The following DNAH11 variants were observed in gnomAD, a reference collection of about 807,000 sequenced individuals.
The protein encoded by DNAH11 is axonemal beta dynein heavy chain 11.
DNAH11 carries 442 observed loss-of-function variants against 526.0 expected under a neutral mutation model. That is an observed-to-expected ratio of 0.84 (90% CI 0.78 to 0.91). The LOEUF is 0.91. DNAH11 is among the 40% of genes least tolerant of loss of function. The probability of loss-of-function intolerance (pLI) is 0.00; values close to 1 mark genes in which losing one functional copy is unlikely to be tolerated. For synonymous variants in DNAH11, 2,461 were observed against 1,935.9 expected, an observed-to-expected ratio of 1.27 and a Z score of -7.12; for missense variants, 6,989 against 5,448.7, an observed-to-expected ratio of 1.28 and a Z score of -8.90.
At position 21,853,698 on chromosome 7, in the gene DNAH11, T is replaced by C. The variant is rs1048671839; in HGVS notation, c.11062-617T>C. On this transcript the variant is annotated intron_variant, in intron 67 of 81. Coordinates refer to ENST00000409508, the MANE Select transcript of DNAH11 (RefSeq NM_001277115.2). ...ATTTGAGCCTTGGGTAAAACTGATA[T>C]GTTGGTTGATGGTGGTGCTGGTTTT... Among the ~76,000 whole-genome samples the C allele has an allele frequency of 2.6e-5, 4 of 152,204 alleles. No individual in the cohort carries two copies. The East Asian group carries it at 7.7e-4, about 29-fold the overall frequency.
chr7:21,745,042 T>G lies in DNAH11; in HGVS notation c.8489T>G (p.Phe2830Cys), dbSNP rs1401565171. 6.2e-7 allele frequency: 1 copy of G among 1,608,492 alleles called. No homozygotes were observed. Among genetic ancestry groups the G allele is most frequent in the Admixed American group, 1.7e-5 (1 of 59,248 alleles). The change falls in exon 51 of 82, where the codon TTT becomes TGT. Residue 2830 changes from phenylalanine (F) to cysteine (C), a missense_variant. Phe to Cys is a radical substitution (Grantham distance 205). Coordinates refer to ENST00000409508, the MANE Select transcript of DNAH11 (RefSeq NM_001277115.2). The part of the protein sequence containing the change: ...ELNAAMHLVL[F>C]EDAMQHVCRI... ...AATGCTGCCATGCACCTAGTTTTGT[T>G]TGAAGATGCCATGCAACATGTGTGA... is the stretch of plus-strand genomic sequence containing the variant.
chr7:21,813,482 C>T (rs529252097), intron 63 of DNAH11, among the ~76,000 whole-genome samples: 3 of 152,174 alleles, frequency 2.0e-5, no homozygotes, highest in African/African-American at 7.2e-5. Flanking sequence ...TAAAGCCTTA[C>T]ATAAACATGA....
intron 66 of DNAH11, among the ~76,000 whole-genome samples, chr7:21,850,053 GA>G (rs1257080467): frequency 3.4e-5 from 5 of 148,922 alleles, no homozygotes; most frequent in Admixed American, 3.4e-4. Context: ...GTTTACTCAT[GA>G]GCCCGTCAAA....
intron 66 of DNAH11, among the ~76,000 whole-genome samples, chr7:21,850,813 C>G (rs1348577637): frequency 6.6e-6 from 1 of 151,990 alleles, no homozygotes; most frequent in Non-Finnish European, 1.5e-5. Context: ...TTGTTTTTGT[C>G]TCCCTTGTTG....
chr7:21,874,334 T>TTTTTTTG (rs374414081), intron 74 of DNAH11, among the ~76,000 whole-genome samples: 3 of 151,234 alleles, frequency 2.0e-5, no homozygotes, highest in South Asian at 2.1e-4. Flanking sequence ...CATGGTTTTT[T>TTTTTTTG]TTTGTTTTTG....
rs959423467 is a variant in DNAH11 at position 21,901,420 on chromosome 7, T to G, written c.*166T>G. ...AAAGTCAGAAAAAAATACTAGAAACTAACTCAGGGCTGAGCGTGGTGGCAC... is the reference window on the plus strand; with the variant it reads ...AAAGTCAGAAAAAAATACTAGAAACGAACTCAGGGCTGAGCGTGGTGGCAC... On this transcript the variant is annotated 3_prime_UTR_variant, in exon 82 of 82. Coordinates refer to ENST00000409508, the MANE Select transcript of DNAH11 (RefSeq NM_001277115.2). The G allele has an allele frequency of 2.9e-6, 3 of 1,024,210 alleles. No homozygotes were observed. Among genetic ancestry groups the G allele is most frequent in the African/African-American group, 3.3e-5 (2 of 61,256 alleles). The allele number at this position is 1,024,210 out of a possible 1,614,324, so 63.4% of individuals were successfully genotyped here.
chr7:21,578,713 T>C (rs564761185), intron 8 of DNAH11, among the ~76,000 whole-genome samples: 2 of 152,300 alleles, frequency 1.3e-5, no homozygotes, highest in Admixed American at 6.5e-5. Context: ...TCCAGGTGTT[T>C]CCATACATTC....
chr7:21,583,787 C>T (rs1398237938), intron 9 of DNAH11, among the ~76,000 whole-genome samples: 1 of 152,198 alleles, frequency 6.6e-6, no homozygotes, highest in East Asian at 1.9e-4. Flanking sequence ...ACAGACACTT[C>T]TCAAAAAGAG....
At chr7:21,885,522 A>G (rs917482380) in intron 76 of DNAH11, among the ~76,000 whole-genome samples, 1 of 152,124 alleles carries the variant, frequency 6.6e-6, no homozygotes, top group African/African-American at 2.4e-5. Context: ...AGGAAGAATA[A>G]GTAAGTTCTC....
intron 25 of DNAH11, among the ~76,000 whole-genome samples, chr7:21,633,959 G>T (rs909168379): frequency 3.3e-5 from 5 of 152,202 alleles, no homozygotes; most frequent in Admixed American, 6.5e-5. Flanking sequence ...CTTTATGGGG[G>T]TAGTGAAAGA....
intron 56 of DNAH11, among the ~76,000 whole-genome samples, chr7:21,776,046 G>GA (rs1787658863): frequency 6.6e-6 from 1 of 152,210 alleles, no homozygotes; most frequent in African/African-American, 2.4e-5. Flanking sequence ...CAGGAAAAAA[G>GA]AAGAGGAGAG....
intron 13 of DNAH11, 66 bp from the exon 14 acceptor site, chr7:21,591,119 A>G (rs1472310820): frequency 4.1e-6 from 6 of 1,477,210 alleles, no homozygotes; most frequent in Non-Finnish European, 5.4e-6. Context: ...ATATTTTTAC[A>G]CCTTTAAGAC....
intron 45 of DNAH11, among the ~76,000 whole-genome samples, chr7:21,726,628 G>A (rs970360081): frequency 6.6e-5 from 10 of 151,658 alleles, no homozygotes; most frequent in Non-Finnish European, 1.2e-4. Context: ...TTGGGAGGCC[G>A]AGGTGGGCAG....
rs564544474 is a variant in DNAH11 at position 21,849,553 on chromosome 7, C to T, written c.10897-2914C>T. Reference sequence around the variant, plus strand: ...TCTTGGTCTAAGAAAGCTTTTATTACGCTTTACTTTTGAAGGATAATTTTA... The same window carrying T: ...TCTTGGTCTAAGAAAGCTTTTATTATGCTTTACTTTTGAAGGATAATTTTA... On this transcript the variant is annotated intron_variant, in intron 66 of 81. Coordinates refer to ENST00000409508, the MANE Select transcript of DNAH11 (RefSeq NM_001277115.2). Among the ~76,000 whole-genome samples, 70 of 152,210 alleles carry T rather than the reference C, an allele frequency of 4.6e-4. 1 individual carries two copies. Among genetic ancestry groups the T allele is most frequent in the Admixed American group, 6.5e-4 (10 of 15,296 alleles).
At position 21,881,791 on chromosome 7, in the gene DNAH11, T is replaced by C. The variant is rs118056299; in HGVS notation, c.12387+898T>C. 9.8e-5 allele frequency among the ~76,000 whole-genome samples: 15 copies of C among 152,310 alleles called. No individual in the cohort carries two copies. In the East Asian group the frequency reaches 2.9e-3, roughly 29 times the overall value. On this transcript the variant is annotated intron_variant, in intron 75 of 81. Transcript: ENST00000409508. The stretch of plus-strand genomic sequence containing the variant: ...CAGCTTTCTCAGGCTTCGGTGGTGA[T>C]TTGATTGCTATTAGAATAGATACCC...
chr7:21,863,077 AAAG>A (rs1310528844), intron 69 of DNAH11, among the ~76,000 whole-genome samples: 12,447 of 140,146 alleles, frequency 0.089, 1,553 homozygotes, highest in African/African-American at 0.3. Flanking sequence ...AAAAAAAAAA[AAAG>A]AAAAAGAAAA....
chr7:21,838,145 A>T (rs995784893), intron 65 of DNAH11, among the ~76,000 whole-genome samples: 1 of 152,230 alleles, frequency 6.6e-6, no homozygotes, highest in Admixed American at 6.5e-5. Context: ...AGGAATTTTG[A>T]TGATGCTCTC....
Position 21,742,131 on chromosome 7 carries a change from A to G in DNAH11, c.8119A>G (p.Ile2707Val), listed in dbSNP as rs1785933722. 5 of 1,613,780 alleles carry G rather than the reference A, an allele frequency of 3.1e-6. No homozygotes were observed. Among genetic ancestry groups the G allele is most frequent in the Non-Finnish European group, 4.2e-6 (5 of 1,179,828 alleles). ...ACCCACGGCTATTAAATTCCACTAC[A>G]TCTTTAATCTGAGAGATTTATCAAA... Reference protein sequence around the residue: ...FLPTAIKFHYIFNLRDLSNVF... With the variant: ...FLPTAIKFHYVFNLRDLSNVF... The change falls in exon 49 of 82, where the codon ATC becomes GTC. Residue 2707 changes from isoleucine to valine, a missense_variant. Transcript: ENST00000409508.
intron 62 of DNAH11, among the ~76,000 whole-genome samples, chr7:21,806,659 C>T (rs543206801): frequency 2.0e-5 from 3 of 152,206 alleles, no homozygotes; most frequent in Non-Finnish European, 4.4e-5. Flanking sequence ...TGCTTCTTTG[C>T]TTGTACTAAC....
Sources: allele counts gnomAD v4.1 joint callset (sites outside exome capture counted in the v4.1 genomes callset), GRCh38; gene constraint gnomAD v4.1.1; transcripts MANE v1.5; gene names NCBI Gene and HGNC (gene_info 2026-07-23, HGNC 2026-07-21).